Variants in SPIDR observed in about 807,000 individuals in gnomAD.
SPIDR encodes scaffold protein involved in DNA repair.
In SPIDR, 93 loss-of-function variants were observed where a neutral mutation model predicts 104.6. The observed-to-expected ratio is 0.89, with a 90% CI of 0.75 to 1.06. SPIDR has a LOEUF of 1.06. Ranked by LOEUF, SPIDR falls within the 50% of genes least tolerant of loss-of-function variation. The probability of loss-of-function intolerance (pLI) is 0.00; values close to 1 mark genes in which losing one functional copy is unlikely to be tolerated. For synonymous variants in SPIDR, 431 were observed against 416.9 expected (o/e 1.03, Z -0.41); for missense variants, 1,154 against 1,111.2 (o/e 1.04, Z -0.55).
At chr8:47,372,807 G>GT (rs1389475805) in intron 5 of SPIDR, among the ~76,000 whole-genome samples, 5 of 152,088 alleles carry the variant, frequency 3.3e-5, no homozygotes, top group Admixed American at 2.6e-4. Context: ...TGGGCTTCTA[G>GT]TGTACCCATT....
At chr8:47,558,735 G>T (rs2056682081) in intron 8 of SPIDR, among the ~76,000 whole-genome samples, 1 of 152,066 alleles carries the variant, frequency 6.6e-6, no homozygotes, top group Non-Finnish European at 1.5e-5. Context: ...CGCCTCCTGG[G>T]TTCACACCAT....
chr8:47,561,136 A>G (rs1341562558), intron 8 of SPIDR, among the ~76,000 whole-genome samples: 1 of 152,200 alleles, frequency 6.6e-6, no homozygotes, highest in East Asian at 1.9e-4. Flanking sequence ...GAGTGGCCTA[A>G]CATTTTTGCT....
chr8:47,458,923 C>A (rs2073475333), intron 8 of SPIDR, among the ~76,000 whole-genome samples: 1 of 152,008 alleles, frequency 6.6e-6, no homozygotes, highest in Non-Finnish European at 1.5e-5. Context: ...GTTTTTAATT[C>A]TTTTTATGTG....
intron 10 of SPIDR, among the ~76,000 whole-genome samples, chr8:47,608,982 C>T (rs945558494): frequency 6.6e-6 from 1 of 152,242 alleles, no homozygotes; most frequent in African/African-American, 2.4e-5. Context: ...CTGCCTCGGC[C>T]TCCCAAAGTG....
chr8:47,390,979 CCT>C (rs1320219418), intron 5 of SPIDR, among the ~76,000 whole-genome samples: 2 of 152,094 alleles, frequency 1.3e-5, no homozygotes, highest in African/African-American at 2.4e-5. Flanking sequence ...TCTCTTCCAC[CCT>C]CTCTGGCACA....
intron 5 of SPIDR, among the ~76,000 whole-genome samples, chr8:47,308,367 GT>G (rs797034732): frequency 0.11 from 14,333 of 132,520 alleles, 993 homozygotes; most frequent in African/African-American, 0.22. Flanking sequence ...CCGGCCTGCT[GT>G]TTTTTTTTTT....
chr8:47,533,876 A>G (rs1050685663), intron 8 of SPIDR, among the ~76,000 whole-genome samples: 2 of 152,244 alleles, frequency 1.3e-5, no homozygotes, highest in African/African-American at 4.8e-5. Context: ...TCAAGGGGCT[A>G]AAAGCAGAAC....
intron 19 of SPIDR, among the ~76,000 whole-genome samples, chr8:47,733,352 A>T (rs1387954110): frequency 6.6e-6 from 1 of 152,256 alleles, no homozygotes; most frequent in African/African-American, 2.4e-5. Flanking sequence ...ACACCACTCC[A>T]TTCCAGCCTG....
chr8:47,274,630 T>C (rs936756430), intron 1 of SPIDR, among the ~76,000 whole-genome samples: 1 of 151,430 alleles, frequency 6.6e-6, no homozygotes, highest in South Asian at 2.1e-4. Context: ...CATGCTAGAG[T>C]CCAGTTGCGC....
chr8:47,628,358 A>G (rs778350555), intron 10 of SPIDR, among the ~76,000 whole-genome samples: 1 of 152,316 alleles, frequency 6.6e-6, no homozygotes, highest in East Asian at 1.9e-4. Context: ...GAATTGTTCC[A>G]TGTTTTCATG....
intron 5 of SPIDR, among the ~76,000 whole-genome samples, chr8:47,377,864 G>A (rs1290482825): frequency 2.0e-5 from 3 of 152,124 alleles, no homozygotes; most frequent in Admixed American, 1.3e-4. Context: ...ATCTCTAGTA[G>A]CATATATTTC....
At chr8:47,728,367 G>A (rs1157868289) in intron 17 of SPIDR, among the ~76,000 whole-genome samples, 2 of 150,130 alleles carry the variant, frequency 1.3e-5, no homozygotes, top group Non-Finnish European at 3.0e-5. Flanking sequence ...CCAGGGGGAG[G>A]TGGAGGTTGC....
At chr8:47,328,779 G>A (rs949854733) in intron 5 of SPIDR, among the ~76,000 whole-genome samples, 1 of 151,900 alleles carries the variant, frequency 6.6e-6, no homozygotes, top group South Asian at 2.1e-4. Flanking sequence ...TTGCATCTAT[G>A]TACACCAGTT....
chr8:47,708,267 C>T (rs971406836), intron 14 of SPIDR, among the ~76,000 whole-genome samples: 5 of 152,260 alleles, frequency 3.3e-5, no homozygotes, highest in African/African-American at 1.2e-4. Context: ...CCACTACACT[C>T]CAGCCTGGGC....
intron 5 of SPIDR, among the ~76,000 whole-genome samples, chr8:47,300,041 T>C (rs2041756057): frequency 6.6e-6 from 1 of 152,224 alleles, no homozygotes; most frequent in Non-Finnish European, 1.5e-5. Context: ...AGCTCCTCTT[T>C]GTACCTCTGG....
At position 47,330,611 on chromosome 8, in the gene SPIDR, T is replaced by G. The variant is rs138380114; in HGVS notation, c.525+36581T>G. ...ATGTCATACAGTTGGAATCATATAGTATGGCTTTTTTGGAGTGCCTTCTTT... is the reference window on the plus strand; with the variant it reads ...ATGTCATACAGTTGGAATCATATAGGATGGCTTTTTTGGAGTGCCTTCTTT... On this transcript the variant is annotated intron_variant, in intron 5 of 19. Transcript: ENST00000297423. Among the ~76,000 whole-genome samples the G allele has an allele frequency of 3.1e-3, 465 of 152,314 alleles. 3 individuals carry two copies. Among genetic ancestry groups the G allele is most frequent in the Non-Finnish European group, 5.2e-3 (357 of 68,016 alleles).
intron 10 of SPIDR, among the ~76,000 whole-genome samples, chr8:47,601,751 AG>A (rs1289665894): frequency 6.6e-6 from 1 of 152,182 alleles, no homozygotes; most frequent in Non-Finnish European, 1.5e-5. Flanking sequence ...AGGCTGACCC[AG>A]GGTCAAGTTG....
chr8:47,464,202 T>C (rs2074407390), intron 8 of SPIDR, among the ~76,000 whole-genome samples: 1 of 151,766 alleles, frequency 6.6e-6, no homozygotes, highest in African/African-American at 2.4e-5. Flanking sequence ...CAGATTAATA[T>C]ACAAAAATTA....
intron 8 of SPIDR, among the ~76,000 whole-genome samples, chr8:47,519,020 A>G (rs926980451): frequency 2.0e-5 from 3 of 152,242 alleles, no homozygotes; most frequent in Non-Finnish European, 4.4e-5. Context: ...GCCAAGCTCT[A>G]AGATTCCTGT....
Sources: gnomAD v4.1 joint callset for allele counts (sites outside exome capture counted in the v4.1 genomes callset) on GRCh38, gnomAD v4.1.1 for gene constraint, MANE v1.5 for transcripts, NCBI Gene and HGNC (gene_info 2026-07-23, HGNC 2026-07-21) for gene names.